CDH9: variants seen among roughly 807,000 people sequenced by gnomAD.
The protein encoded by CDH9 is cadherin 9, also known as cadherin-9.
Under a neutral mutation model 70.9 loss-of-function variants are expected in CDH9, and 28 were observed. The observed-to-expected ratio is 0.40, with a 90% CI of 0.29 to 0.54. CDH9 has a LOEUF of 0.54. CDH9 is among the 20% of genes least tolerant of loss of function. The probability of loss-of-function intolerance (pLI) is 0.59; values close to 1 mark genes in which losing one functional copy is unlikely to be tolerated. For missense variants in CDH9, 874 were observed against 984.4 expected (o/e 0.89, Z 1.50); for synonymous variants, 409 against 343.1 (o/e 1.19, Z -2.12).
chr5:26,930,376 T>C (rs1164491482), intron 2 of CDH9, among the ~76,000 whole-genome samples: 1 of 152,122 alleles, frequency 6.6e-6, no homozygotes, highest in Admixed American at 6.6e-5. Context: ...CAGGGCTCTA[T>C]ATATGCCAAA....
intron 2 of CDH9, among the ~76,000 whole-genome samples, chr5:26,958,882 T>C (rs1201996927): frequency 1.3e-5 from 2 of 152,144 alleles, no homozygotes; most frequent in African/African-American, 4.8e-5. Flanking sequence ...ATGGCCTATG[T>C]TTAAGAACTA....
intron 2 of CDH9, among the ~76,000 whole-genome samples, chr5:26,953,152 C>T (rs1267948681): frequency 6.6e-6 from 1 of 152,044 alleles, no homozygotes; most frequent in African/African-American, 2.4e-5. Context: ...TATTAAAGTT[C>T]ATATTTAGCA....
chr5:27,031,709 A>C (rs1743313367), intron 1 of CDH9, among the ~76,000 whole-genome samples: 1 of 151,912 alleles, frequency 6.6e-6, no homozygotes, highest in Non-Finnish European at 1.5e-5. Flanking sequence ...ATAGGTCTGG[A>C]AGGAGCAAAA....
chr5:27,002,846 C>A (rs1742794752), intron 1 of CDH9, among the ~76,000 whole-genome samples: 1 of 151,728 alleles, frequency 6.6e-6, no homozygotes. Context: ...TGCAGCACAC[C>A]AACATGGCAC....
intron 1 of CDH9, among the ~76,000 whole-genome samples, chr5:27,031,116 A>G (rs1207568665): frequency 1.3e-5 from 2 of 151,914 alleles, no homozygotes; most frequent in East Asian, 3.9e-4. Context: ...ACATAAGCCA[A>G]AAACTGAGAA....
intron 1 of CDH9, among the ~76,000 whole-genome samples, chr5:27,021,799 A>T (rs1415245946): frequency 3.9e-5 from 6 of 151,996 alleles, no homozygotes; most frequent in Admixed American, 3.9e-4. Flanking sequence ...TGCATTTTAC[A>T]ACAGGATTAA....
intron 7 of CDH9, among the ~76,000 whole-genome samples, chr5:26,891,026 G>T (rs1055441671): frequency 2.6e-5 from 4 of 152,112 alleles, no homozygotes; most frequent in Admixed American, 6.6e-5. Context: ...GCTCTTGAAT[G>T]TTTTTTTATT....
intron 1 of CDH9, among the ~76,000 whole-genome samples, chr5:27,018,555 G>A (rs1743084898): frequency 6.6e-6 from 1 of 151,834 alleles, no homozygotes; most frequent in South Asian, 2.1e-4. Context: ...CATATTCTAA[G>A]TGATGGTCCT....
chr5:26,973,954 G>T (rs1386687873), intron 2 of CDH9, among the ~76,000 whole-genome samples: 1 of 151,956 alleles, frequency 6.6e-6, no homozygotes, highest in East Asian at 1.9e-4. Flanking sequence ...TTAAGAAAAG[G>T]CTGTCTATAG....
intron 1 of CDH9, among the ~76,000 whole-genome samples, chr5:27,016,064 C>T (rs1034251514): frequency 6.6e-6 from 1 of 151,726 alleles, no homozygotes; most frequent in Admixed American, 6.6e-5. Context: ...AACATTCCCA[C>T]ATAATTTAAT....
chr5:27,038,364 A>C (rs1200579058), intron 1 of CDH9, 99 bp downstream of exon 1: 3 of 151,894 alleles, frequency 2.0e-5, no homozygotes, highest in African/African-American at 4.8e-5. Flanking sequence ...GAGAGAGCAA[A>C]ATATAGCAAC....
At chr5:27,035,484 G>A (rs16896470) in intron 1 of CDH9, among the ~76,000 whole-genome samples, 3,510 of 151,616 alleles carry the variant, frequency 0.023, 151 homozygotes, top group African/African-American at 0.081. Flanking sequence ...TTAGCATCAG[G>A]TAAAAACAAA....
chr5:26,893,704 TTTA>T (rs912413178), intron 7 of CDH9, among the ~76,000 whole-genome samples: 2 of 139,968 alleles, frequency 1.4e-5, no homozygotes, highest in Admixed American at 7.8e-5. Flanking sequence ...TTATTTTATT[TTTA>T]TTTTTGGAAG....
At chr5:26,985,180 T>C (rs10051956) in intron 2 of CDH9, among the ~76,000 whole-genome samples, 71,485 of 151,492 alleles carry the variant, frequency 0.47, 17,646 homozygotes, top group African/African-American at 0.51. Context: ...ACCAGCCTCT[T>C]TTTTTCTTTT....
intron 7 of CDH9, 27 bp downstream of exon 7, chr5:26,902,449 C>T (rs1180326311): frequency 6.7e-7 from 1 of 1,494,534 alleles, no homozygotes; most frequent in Admixed American, 1.8e-5. Flanking sequence ...TTTCTAAAAA[C>T]ATAATAAATG....
intron 1 of CDH9, among the ~76,000 whole-genome samples, chr5:27,000,199 A>G (rs995627696): frequency 1.3e-5 from 2 of 152,182 alleles, no homozygotes; most frequent in Admixed American, 6.6e-5. Context: ...ATACAAAAAT[A>G]TCATCAAAAG....
intron 1 of CDH9, among the ~76,000 whole-genome samples, chr5:27,000,895 ACATTCTG>A (rs1221641031): frequency 6.6e-6 from 1 of 152,152 alleles, no homozygotes; most frequent in African/African-American, 2.4e-5. Flanking sequence ...AAGTTATATG[ACATTCTG>A]CAATAGGCAA....
chr5:26,928,015 G>A (rs1741375596), intron 2 of CDH9, among the ~76,000 whole-genome samples: 1 of 151,982 alleles, frequency 6.6e-6, no homozygotes, highest in Non-Finnish European at 1.5e-5. Flanking sequence ...GAGGTGTGAA[G>A]AATAAACTCC....
intron 1 of CDH9, among the ~76,000 whole-genome samples, chr5:26,993,484 C>T (rs1202916355): frequency 1.3e-5 from 2 of 151,610 alleles, no homozygotes; most frequent in South Asian, 2.1e-4. Context: ...ATTCATATTG[C>T]AAAAATGAGA....
Sources: gnomAD v4.1 joint callset for allele counts (sites outside exome capture counted in the v4.1 genomes callset) on GRCh38, gnomAD v4.1.1 for gene constraint, MANE v1.5 for transcripts, NCBI Gene and HGNC (gene_info 2026-07-23, HGNC 2026-07-21) for gene names.